Variants in FBXL19 observed in about 807,000 individuals in gnomAD.
The protein encoded by FBXL19 is F-box/LRR-repeat protein 19.
FBXL19 carries 16 observed loss-of-function variants against 71.2 expected under a neutral mutation model. The ratio of observed to expected loss-of-function variants is 0.22; its 90% CI spans 0.15 to 0.34. The LOEUF is 0.34. Among genes scored for constraint, FBXL19 ranks in the 10% least tolerant of loss-of-function variants. FBXL19 has a pLI of 1.00. For missense variants in FBXL19, 658 were observed against 968.2 expected (o/e 0.68, Z 4.25); for synonymous variants, 447 against 409.4 (o/e 1.09, Z -1.11).
rs947839559 is a variant in FBXL19, at chr16:30,947,839, C to T, written c.*609C>T. On this transcript the variant is annotated 3_prime_UTR_variant, in exon 11 of 11. Transcript: ENST00000338343. Reference sequence around the variant, plus strand: ...TTGGGGGTCACCTCTCTGCTTCCCCCCTCCCCAGGCTTCAGTTCCTTCCCC... The same window carrying T: ...TTGGGGGTCACCTCTCTGCTTCCCCTCTCCCCAGGCTTCAGTTCCTTCCCC... 2 of 449,848 alleles carry T rather than the reference C, an allele frequency of 4.4e-6. No individual in the cohort carries two copies. Among genetic ancestry groups the T allele is most frequent in the African/African-American group, 2.0e-5 (1 of 49,720 alleles). The allele number at this position is 449,848 out of a possible 1,614,324, so 27.9% of individuals were successfully genotyped here.
chr16:30,945,323 C>T (rs903882108), intron 9 of FBXL19, among the ~76,000 whole-genome samples: 6 of 151,932 alleles, frequency 3.9e-5, no homozygotes, highest in Admixed American at 2.0e-4. Flanking sequence ...AAAGTGTGGT[C>T]GGGGGACCAG....
rs534344990 is a variant in FBXL19 at position 30,924,821 on chromosome 16, T to C, written c.-25+362T>C. The C allele has an allele frequency of 1.6e-5, 22 of 1,345,878 alleles. No individual in the cohort carries two copies. In the African/African-American group the frequency reaches 2.9e-4, roughly 18 times the overall value. The allele number at this position is 1,345,878 out of a possible 1,614,324, so 83.4% of individuals were successfully genotyped here. ...AGGCTTCTAATTCCACATGGGATCTTGGAGGATCTGGTTTCCATGGGAGGG... is the reference window on the plus strand; with the variant it reads ...AGGCTTCTAATTCCACATGGGATCTCGGAGGATCTGGTTTCCATGGGAGGG... On this transcript the variant is annotated intron_variant, in intron 1 of 10. Transcript: ENST00000338343.
Position 30,942,588 on chromosome 16 carries a change from G to C in FBXL19, c.1627+52G>C. The C allele has an allele frequency of 4.0e-6, 6 of 1,503,330 alleles. No homozygotes were observed. Among genetic ancestry groups the C allele is most frequent in the Non-Finnish European group, 5.3e-6 (6 of 1,124,666 alleles). 93.1% of individuals were successfully genotyped at this position (1,503,330 alleles called of 1,614,324 possible). ...GAATGGGCTGGGCAAGGGTAGGGTAGGAGGCCTCTCAGGTCTCTTCTGACT... is the reference window on the plus strand; with the variant it reads ...GAATGGGCTGGGCAAGGGTAGGGTACGAGGCCTCTCAGGTCTCTTCTGACT... On this transcript the variant is annotated intron_variant, in intron 9 of 10. Transcript: ENST00000338343. The surrounding 1 kb of genome is among the most constrained non-coding windows in gnomAD (Gnocchi z 5.7).
chr16:30,924,770 T>C, intron 1 of FBXL19: 3 of 1,482,720 alleles, frequency 2.0e-6, no homozygotes, highest in Non-Finnish European at 2.7e-6. Context: ...GAATCTGGGG[T>C]AAGACTGACT....
rs1291642484 is a variant in FBXL19 at position 30,927,957 on chromosome 16, G to A, written c.621G>A (p.Arg207=). The change falls in exon 5 of 11, where the codon AGG becomes AGA. Residue 207 remains arginine, a synonymous_variant. Transcript: ENST00000338343. The part of the protein sequence containing the change: ...REAGNEPPTP[R]KKVKGGRERH... ...CAGGGAATGAGCCTCCCACCCCAAG[G>A]AAAAAGGTGAGCCACGGAGCACGCT... is the stretch of plus-strand genomic sequence containing the variant. 1.3e-6 allele frequency: 2 copies of A among 1,518,712 alleles called. No homozygotes were observed. The highest frequency in any genetic ancestry group is 2.3e-5 in the East Asian group (1 of 43,172). The allele number at this position is 1,518,712 out of a possible 1,614,324, so 94.1% of individuals were successfully genotyped here.
chr16:30,924,715 G>T, intron 1 of FBXL19: 1 of 1,495,860 alleles, frequency 6.7e-7, no homozygotes, highest in Non-Finnish European at 8.8e-7. Flanking sequence ...AGCGCTGGAG[G>T]GCCCCTTAGC....
intron 7 of FBXL19, among the ~76,000 whole-genome samples, chr16:30,935,267 A>C (rs2055719942): frequency 6.6e-6 from 1 of 152,170 alleles, no homozygotes; most frequent in South Asian, 2.1e-4. Flanking sequence ...GACAGTGGGC[A>C]GTGAGATCAT....
chr16:30,925,991 C>T lies in FBXL19; in HGVS notation c.177+60C>T. 2 of 1,419,256 alleles carry T rather than the reference C, an allele frequency of 1.4e-6. No homozygotes were observed. Among genetic ancestry groups the T allele is most frequent in the Admixed American group, 3.2e-5 (1 of 31,184 alleles). 87.9% of individuals were successfully genotyped at this position (1,419,256 alleles called of 1,614,324 possible). A position where few individuals can be genotyped will look rare whatever the true frequency, so the allele number is the denominator to read the frequency against. On this transcript the variant is annotated intron_variant, in intron 2 of 10. Coordinates refer to ENST00000338343, the MANE Select transcript of FBXL19 (RefSeq NM_001382779.1). The surrounding 1 kb of genome is among the most constrained non-coding windows in gnomAD (Gnocchi z 5.0). ...CCTTCCCAATACCTTCTTGGAATGG[C>T]TGGTGACTGCCTCCCAGCCTGTACT...
At chr16:30,945,604 A>T (rs979395578) in intron 9 of FBXL19, among the ~76,000 whole-genome samples, 1 of 150,606 alleles carries the variant, frequency 6.6e-6, no homozygotes, top group Non-Finnish European at 1.5e-5. Flanking sequence ...TGGAAGTTGC[A>T]GTGAGCCGAG....
At position 30,942,261 on chromosome 16, in the gene FBXL19, C is replaced by T; in HGVS notation, c.1447C>T (p.Leu483Phe). 1.3e-6 allele frequency: 2 copies of T among 1,598,964 alleles called. No homozygotes were observed. The highest frequency in any genetic ancestry group is 8.5e-7 in the Non-Finnish European group (1 of 1,172,872). ...TGTCTCCAAGAAGCAGCTCATGTGG[C>T]TTCTGAACCGACTACAAGGTAGGGT... ...TGVSKKQLMW[L>F]LNRLQGLQEL... is the part of the protein sequence containing the mutation. The change falls in exon 8 of 11, where the codon CTT (leucine) becomes TTT (phenylalanine). Residue 483 changes from leucine (L) to phenylalanine (F), a missense_variant. Leu to Phe is a conservative substitution (Grantham distance 22). This residue lies in a region of FBXL19 where 38 missense variants were observed against 92.3 expected (regional missense o/e 0.41). Coordinates refer to ENST00000338343, the MANE Select transcript of FBXL19 (RefSeq NM_001382779.1). The surrounding 1 kb of genome is among the most constrained non-coding windows in gnomAD (Gnocchi z 5.7).
chr16:30,942,437 C>G lies in FBXL19; in HGVS notation c.1528C>G (p.Pro510Ala), dbSNP rs747011847. The change falls in exon 9 of 11, where the codon CCA becomes GCA. Residue 510 changes from proline to alanine, a missense_variant. Pro to Ala is a conservative substitution (Grantham distance 27). Coordinates refer to ENST00000338343, the MANE Select transcript of FBXL19 (RefSeq NM_001382779.1). The surrounding 1 kb of genome is among the most constrained non-coding windows in gnomAD (Gnocchi z 5.7). ...CTCTGTCTCTGCCCTGGGCTCAGCC[C>G]CACTGCCAGCCCTGCGGCTCCTGGA... ...WLSVSALGSA[P>A]LPALRLLDLR... 6.2e-7 allele frequency: 1 copy of G among 1,607,870 alleles called. No individual in the cohort carries two copies. Among genetic ancestry groups the G allele is most frequent in the Non-Finnish European group, 8.5e-7 (1 of 1,177,554 alleles).
At chr16:30,932,925 C>T (rs1186460998) in intron 7 of FBXL19, among the ~76,000 whole-genome samples, 9 of 150,242 alleles carry the variant, frequency 6.0e-5, no homozygotes, top group Non-Finnish European at 1.0e-4. Context: ...ACTGCAACCT[C>T]CACCTTCCAC....
chr16:30,936,686 T>C (rs1001724859), intron 7 of FBXL19, among the ~76,000 whole-genome samples: 16 of 148,748 alleles, frequency 1.1e-4, no homozygotes, highest in African/African-American at 3.5e-4. Context: ...GACCTCATGA[T>C]CCACCTGCCT....
intron 7 of FBXL19, among the ~76,000 whole-genome samples, chr16:30,936,610 T>TG (rs1431673483): frequency 6.8e-6 from 1 of 148,148 alleles, no homozygotes; most frequent in African/African-American, 2.5e-5. Context: ...TCTTTTTTTT[T>TG]TTTTTTTTTT....
In FBXL19 at chr16:30,942,326, G is replaced by A; in HGVS notation, c.1465+47G>A. 6.2e-7 allele frequency: 1 copy of A among 1,601,632 alleles called. No homozygotes were observed. The highest frequency in any genetic ancestry group is 2.3e-5 in the East Asian group (1 of 44,398). Reference sequence around the variant, plus strand: ...ACAGGGTGGGGACAGGGACAGGCCTGGGATGGAGTCCTCACAGCACCTGCT... The same window carrying A: ...ACAGGGTGGGGACAGGGACAGGCCTAGGATGGAGTCCTCACAGCACCTGCT... On this transcript the variant is annotated intron_variant, in intron 8 of 10. Coordinates refer to ENST00000338343, the MANE Select transcript of FBXL19 (RefSeq NM_001382779.1). This position sits in a 1 kb window ranked among gnomAD's most constrained non-coding sequence, Gnocchi z 5.7.
At position 30,946,240 on chromosome 16, in the gene FBXL19, G is replaced by C. The variant is rs1436134949; in HGVS notation, c.1628-490G>C. 1.3e-5 allele frequency among the ~76,000 whole-genome samples: 2 copies of C among 152,154 alleles called. No individual in the cohort carries two copies. The highest frequency in any genetic ancestry group is 2.4e-5 in the African/African-American group (1 of 41,428). On this transcript the variant is annotated intron_variant, in intron 9 of 10. Coordinates refer to ENST00000338343, the MANE Select transcript of FBXL19 (RefSeq NM_001382779.1). The surrounding 1 kb of genome is among the most constrained non-coding windows in gnomAD (Gnocchi z 6.7). ...TTATTTTGAGATGGAGTCTCGCTCTGTTGCCCAGGCTGGGGTGCAGTGGCA... is the reference window on the plus strand; with the variant it reads ...TTATTTTGAGATGGAGTCTCGCTCTCTTGCCCAGGCTGGGGTGCAGTGGCA...
At position 30,942,978 on chromosome 16, in the gene FBXL19, T is replaced by C. The variant is rs2055818546; in HGVS notation, c.1627+442T>C. Among the ~76,000 whole-genome samples the C allele has an allele frequency of 6.6e-6, 1 of 152,212 alleles. No homozygotes were observed. The highest frequency in any genetic ancestry group is 6.5e-5 in the Admixed American group (1 of 15,280). On this transcript the variant is annotated intron_variant, in intron 9 of 10. Coordinates refer to ENST00000338343, the MANE Select transcript of FBXL19 (RefSeq NM_001382779.1). This position sits in a 1 kb window ranked among gnomAD's most constrained non-coding sequence, Gnocchi z 5.7. ...CCGCCAGCATAATACTGGGCAATTG[T>C]GGAGTGCCTTGATGCACATCTGTGC...
chr16:30,928,240 A>C (rs748266225), intron 5 of FBXL19, among the ~76,000 whole-genome samples: 5 of 151,914 alleles, frequency 3.3e-5, no homozygotes, highest in African/African-American at 4.8e-5. Context: ...TCATCCCTGC[A>C]TGAGAGGAGG....
rs771888038 is a variant in FBXL19 at position 30,927,870 on chromosome 16, C to T, written c.534C>T (p.Pro178=). The T allele has an allele frequency of 2.6e-6, 4 of 1,530,348 alleles. No homozygotes were observed. The highest frequency in any genetic ancestry group is 3.5e-6 in the Non-Finnish European group (4 of 1,139,872). The allele number at this position is 1,530,348 out of a possible 1,614,324, so 94.8% of individuals were successfully genotyped here. ...LPPPPPRRKG[P]LPAGPPPEDV... is the part of the protein sequence containing the mutation. ...CGCCCCCGCCCAGGCGCAAGGGCCC[C>T]CTGCCTGCCGGGCCCCCCCCGGAGG... Residue 178 remains proline, a synonymous_variant, in exon 5 of 11, where the codon CCC becomes CCT. Transcript: ENST00000338343.
Sources: allele counts gnomAD v4.1 joint callset (sites outside exome capture counted in the v4.1 genomes callset), GRCh38; gene constraint gnomAD v4.1.1; regional missense constraint gnomAD v4.1.1; non-coding constraint Gnocchi (gnomAD v3.1); transcripts MANE v1.5; gene names NCBI Gene and HGNC (gene_info 2026-07-23, HGNC 2026-07-21).